BCL11A: variants seen among roughly 807,000 people sequenced by gnomAD.
BCL11A encodes BCL11 transcription factor A, also known as B cell CLL/lymphoma 11A.
A neutral mutation model predicts 55.9 loss-of-function variants in BCL11A; 2 were observed. That is an observed-to-expected ratio of 0.04 (90% CI 0.01 to 0.11). The LOEUF (loss-of-function observed/expected upper bound fraction) is 0.11, where lower values mean the gene tolerates loss of function less well. Among genes scored for constraint, BCL11A ranks in the 10% least tolerant of loss-of-function variants. BCL11A has a pLI of 1.00. For synonymous variants in BCL11A, 465 were observed against 473.4 expected, an observed-to-expected ratio of 0.98 and a Z score of 0.23; for missense variants, 817 against 1,137.1, an observed-to-expected ratio of 0.72 and a Z score of 4.05.
intron 2 of BCL11A, chr2:60,526,172 T>G (rs1396063594): frequency 6.6e-6 from 1 of 152,198 alleles, no homozygotes; most frequent in Non-Finnish European, 1.5e-5. Context: ...TTTGATCAAA[T>G]TCAGAAACTG....
chr2:60,488,187 A>G (rs1026983643), intron 2 of BCL11A, among the ~76,000 whole-genome samples: 2 of 152,314 alleles, frequency 1.3e-5, no homozygotes, highest in Non-Finnish European at 2.9e-5. Context: ...TTCTAGGAAC[A>G]TGAGGAGTGA....
rs369929831 is a variant in BCL11A, at chr2:60,546,164, G to C, written c.192C>G (p.Ile64Met). The change falls in exon 2 of 4, where the codon ATC (isoleucine) becomes ATG (methionine). Residue 64 changes from isoleucine (I) to methionine (M), a missense_variant. By Grantham distance (10) the Ile-to-Met change is conservative. Around this residue, in one of 4 missense-constraint regions of BCL11A, gnomAD observed 363 missense variants for 486.6 expected, o/e 0.75. Coordinates refer to ENST00000642384, the MANE Select transcript of BCL11A (RefSeq NM_022893.4). This position sits in a 1 kb window ranked among gnomAD's most constrained non-coding sequence, Gnocchi z 4.1. ...CATTGCATTGTTTCCGTTTGTGCTC[G>C]ATAAAAATAAGAATGTCCCCCAATG... ...NFPLGDILIF[I>M]EHKRKQCNGS... The C allele has an allele frequency of 6.2e-7, 1 of 1,614,158 alleles. No homozygotes were observed. Among genetic ancestry groups the C allele is most frequent in the Non-Finnish European group, 8.5e-7 (1 of 1,180,026 alleles).
exon 5 of BCL11A, chr2:60,451,705 C>G (rs777534411): frequency 7.4e-5 from 17 of 230,280 alleles, no homozygotes; most frequent in Non-Finnish European, 1.2e-4. Context: ...ACATTTATCA[C>G]CTTCTTTAGG....
Position 60,460,261 on chromosome 2 carries a change from A to C in BCL11A, c.*143T>G. The C allele has an allele frequency of 2.1e-6, 3 of 1,421,152 alleles. No homozygotes were observed. The highest frequency in any genetic ancestry group is 5.8e-5 in the Admixed American group (2 of 34,310). 88.0% of individuals were successfully genotyped at this position (1,421,152 alleles called of 1,614,324 possible). ...GCACTCTCATATTCTTAGCTTCGTT[A>C]CTTCTGTTTGTTTGTTTGTTTGTTT... On this transcript the variant is annotated 3_prime_UTR_variant, in exon 4 of 4. Coordinates refer to ENST00000642384, the MANE Select transcript of BCL11A (RefSeq NM_022893.4).
chr2:60,510,845 G>T (rs1048220568), intron 2 of BCL11A, among the ~76,000 whole-genome samples: 8 of 152,340 alleles, frequency 5.3e-5, no homozygotes, highest in Admixed American at 5.2e-4. Flanking sequence ...TTTCCCCACA[G>T]GCCCTGAGAC....
intron 2 of BCL11A, among the ~76,000 whole-genome samples, chr2:60,529,104 A>C (rs1257518854): frequency 6.6e-6 from 1 of 152,154 alleles, no homozygotes; most frequent in Non-Finnish European, 1.5e-5. Flanking sequence ...CAGAAACATA[A>C]TGAGACCCTG....
chr2:60,452,786 G>A (rs1430906176), downstream of BCL11A: 5 of 717,986 alleles, frequency 7.0e-6, no homozygotes, highest in East Asian at 8.2e-5. Flanking sequence ...ACCACAGGTC[G>A]AGCCACTGGC....
At chr2:60,471,079 T>A (rs959572233) in intron 2 of BCL11A, among the ~76,000 whole-genome samples, 2 of 152,232 alleles carry the variant, frequency 1.3e-5, no homozygotes, top group Non-Finnish European at 2.9e-5. Flanking sequence ...CATTAAGCAG[T>A]ACTTAACCGT....
intron 2 of BCL11A, chr2:60,545,324 C>A (rs1481915273): frequency 6.5e-6 from 1 of 152,964 alleles, no homozygotes; most frequent in Non-Finnish European, 1.5e-5. Context: ...TCTACTCTGG[C>A]CTGGCCAGTC....
intron 2 of BCL11A, chr2:60,533,007 T>C (rs537837860): frequency 6.6e-6 from 1 of 152,344 alleles, no homozygotes; most frequent in Non-Finnish European, 1.5e-5. Context: ...CAATCTACCC[T>C]GGGTACACTA....
chr2:60,459,640 TAGAA>T lies in BCL11A; in HGVS notation c.*760_*763del. ...AATTAAGCTACAAGTTTATAACAAG[TAGAA>T]AGAACCATCGATGTGGTTTTAATAG... On this transcript the variant is annotated 3_prime_UTR_variant, in exon 4 of 4. Coordinates refer to ENST00000642384, the MANE Select transcript of BCL11A (RefSeq NM_022893.4). The T allele has an allele frequency of 1.9e-6, 2 of 1,031,844 alleles. No individual in the cohort carries two copies. The highest frequency in any genetic ancestry group is 2.3e-6 in the Non-Finnish European group (2 of 857,768). The allele number at this position is 1,031,844 out of a possible 1,614,324, so 63.9% of individuals were successfully genotyped here.
intron 2 of BCL11A, among the ~76,000 whole-genome samples, chr2:60,472,344 T>C (rs1677255400): frequency 6.6e-6 from 1 of 152,184 alleles, no homozygotes; most frequent in East Asian, 1.9e-4. Flanking sequence ...CCCTTTCTGG[T>C]CTCTCAAATG....
rs60721895 is a variant in BCL11A, at chr2:60,483,139, T to C, written c.386-14306A>G. On this transcript the variant is annotated intron_variant, in intron 2 of 3. Transcript: ENST00000642384. ...TGAATAACTGCAAGGATAGTGTGGG[T>C]AGTTGGAGGAGAATCAACACAGGCG... Among the ~76,000 whole-genome samples the C allele has an allele frequency of 6.3e-3, 963 of 152,198 alleles. 13 individuals are homozygous for C. Among genetic ancestry groups the C allele is most frequent in the African/African-American group, 0.023 (937 of 41,524 alleles).
chr2:60,495,976 C>A (rs924209924), intron 2 of BCL11A, among the ~76,000 whole-genome samples: 3 of 151,924 alleles, frequency 2.0e-5, no homozygotes, highest in African/African-American at 7.3e-5. Flanking sequence ...TTTTAAAACA[C>A]CTAAGAAACA....
chr2:60,498,001 C>T (rs896048381), intron 2 of BCL11A, among the ~76,000 whole-genome samples: 4 of 151,990 alleles, frequency 2.6e-5, no homozygotes, highest in African/African-American at 9.7e-5. Flanking sequence ...GCACAAAATC[C>T]AAGAGGCCCA....
In BCL11A at chr2:60,459,075, C is replaced by T; in HGVS notation, c.*1329G>A. ...TTAATCATCATTGTATCAATATTAGCTTATATACCTGTTCTAGTTTTAAAT... is the reference window on the plus strand; with the variant it reads ...TTAATCATCATTGTATCAATATTAGTTTATATACCTGTTCTAGTTTTAAAT... On this transcript the variant is annotated 3_prime_UTR_variant, in exon 4 of 4. Transcript: ENST00000642384. The T allele has an allele frequency of 9.9e-7, 1 of 1,013,976 alleles. No individual in the cohort carries two copies. The highest frequency in any genetic ancestry group is 1.2e-6 in the Non-Finnish European group (1 of 843,352). The allele number at this position is 1,013,976 out of a possible 1,614,324, so 62.8% of individuals were successfully genotyped here. A position where few individuals can be genotyped will look rare whatever the true frequency, so the allele number is the denominator to read the frequency against.
chr2:60,452,842 CTGA>C, downstream of BCL11A: 1 of 564,950 alleles, frequency 1.8e-6, no homozygotes. Flanking sequence ...CCAAGTATCT[CTGA>C]CCTCTGAGTC....
chr2:60,526,138 C>A (rs192939602), intron 2 of BCL11A: 2 of 152,250 alleles, frequency 1.3e-5, no homozygotes, highest in East Asian at 3.9e-4. Context: ...GTTTCTCTCA[C>A]CCTGAACTTC....
At chr2:60,490,893 T>A (rs1196343157) in intron 2 of BCL11A, among the ~76,000 whole-genome samples, 1 of 152,164 alleles carries the variant, frequency 6.6e-6, no homozygotes, top group African/African-American at 2.4e-5. Flanking sequence ...TTAACCTTCT[T>A]AGCACCCACA....
Sources: allele counts gnomAD v4.1 joint callset (sites outside exome capture counted in the v4.1 genomes callset), GRCh38; gene constraint gnomAD v4.1.1; regional missense constraint gnomAD v4.1.1; non-coding constraint Gnocchi (gnomAD v3.1); transcripts MANE v1.5; gene names NCBI Gene and HGNC (gene_info 2026-07-23, HGNC 2026-07-21).